ZC2HC1A: variants seen among roughly 807,000 people sequenced by gnomAD.
The protein encoded by ZC2HC1A is zinc finger C2HC domain-containing protein 1A.
A neutral mutation model predicts 40.7 loss-of-function variants in ZC2HC1A; 28 were observed. The observed-to-expected ratio is 0.69, with a 90% CI of 0.51 to 0.94. The LOEUF is 0.94. ZC2HC1A is among the 40% of genes least tolerant of loss of function. The pLI, the probability that ZC2HC1A is intolerant of heterozygous loss-of-function variation, is 0.00. For synonymous variants in ZC2HC1A, 129 were observed against 129.2 expected (o/e 1.00, Z 0.01); for missense variants, 389 against 386.3 (o/e 1.01, Z -0.06).
intron 7 of ZC2HC1A, among the ~76,000 whole-genome samples, chr8:78,698,995 T>G (rs1247403812): frequency 2.0e-5 from 3 of 152,178 alleles, no homozygotes; most frequent in Non-Finnish European, 4.4e-5. Context: ...TGGACTCTTT[T>G]CACGTTTTTA....
intron 7 of ZC2HC1A, among the ~76,000 whole-genome samples, chr8:78,700,311 ATTGT>A (rs1208696210): frequency 6.7e-6 from 1 of 150,288 alleles, no homozygotes; most frequent in Non-Finnish European, 1.5e-5. Flanking sequence ...TTTTAATGGG[ATTGT>A]TTGTTTTTTT....
At chr8:78,695,039 T>C (rs1275193448) in intron 5 of ZC2HC1A, among the ~76,000 whole-genome samples, 1 of 152,030 alleles carries the variant, frequency 6.6e-6, no homozygotes, top group Non-Finnish European at 1.5e-5. Context: ...ATAGATAGAA[T>C]ATAGCTCAGA....
At chr8:78,686,121 C>T (rs1357381139) in intron 3 of ZC2HC1A, among the ~76,000 whole-genome samples, 1 of 152,140 alleles carries the variant, frequency 6.6e-6, no homozygotes, top group African/African-American at 2.4e-5. Flanking sequence ...CAGATGTCCC[C>T]ACCTCGTACT....
chr8:78,687,984 T>A (rs1173489592), intron 4 of ZC2HC1A, among the ~76,000 whole-genome samples: 1 of 145,308 alleles, frequency 6.9e-6, no homozygotes, highest in African/African-American at 2.5e-5. Context: ...ATATATAAAT[T>A]ATATATATAT....
At chr8:78,668,460 A>G (rs2130403514) in intron 1 of ZC2HC1A, among the ~76,000 whole-genome samples, 1 of 152,326 alleles carries the variant, frequency 6.6e-6, no homozygotes, top group East Asian at 1.9e-4. Context: ...GTTACCAGAC[A>G]TTAATCTTGG....
chr8:78,682,863 C>T (rs1341036983), intron 3 of ZC2HC1A, among the ~76,000 whole-genome samples: 1 of 152,198 alleles, frequency 6.6e-6, no homozygotes, highest in Non-Finnish European at 1.5e-5. Context: ...GGGATACAGA[C>T]ATTGGGTAAA....
chr8:78,684,903 C>T (rs991838921), intron 3 of ZC2HC1A, among the ~76,000 whole-genome samples: 5 of 152,030 alleles, frequency 3.3e-5, no homozygotes, highest in Admixed American at 6.5e-5. Flanking sequence ...TAGGTAGACT[C>T]GACCTAATAA....
intron 7 of ZC2HC1A, among the ~76,000 whole-genome samples, chr8:78,708,919 G>T (rs1292666664): frequency 6.6e-6 from 1 of 151,936 alleles, no homozygotes; most frequent in Non-Finnish European, 1.5e-5. Flanking sequence ...ATCCACCTCG[G>T]TTTCCCAAAT....
intron 1 of ZC2HC1A, among the ~76,000 whole-genome samples, chr8:78,673,396 A>G (rs1281660739): frequency 1.3e-5 from 2 of 152,172 alleles, no homozygotes; most frequent in African/African-American, 4.8e-5. Context: ...GTGTCTTTAT[A>G]GTAGAATGAT....
intron 5 of ZC2HC1A, among the ~76,000 whole-genome samples, chr8:78,695,080 A>T (rs1239943608): frequency 1.3e-5 from 2 of 152,198 alleles, no homozygotes; most frequent in Admixed American, 1.3e-4. Flanking sequence ...TAGGTCAGGG[A>T]AAACAGCAAG....
At chr8:78,684,315 G>T (rs1809884055) in intron 3 of ZC2HC1A, among the ~76,000 whole-genome samples, 1 of 152,222 alleles carries the variant, frequency 6.6e-6, no homozygotes, top group Non-Finnish European at 1.5e-5. Context: ...GGTGGAAGGT[G>T]AAGAAGAATC....
At position 78,711,846 on chromosome 8, in the gene ZC2HC1A, A is replaced by C. The variant is rs1010159241; in HGVS notation, c.705-3375A>C. On this transcript the variant is annotated intron_variant, in intron 7 of 8. Transcript: ENST00000263849. ...GAACTCTCTGAGGATTCTTTTGGAC[A>C]TTAGTTCTTACCTTGACAGTCAGAT... is the stretch of plus-strand genomic sequence containing the variant. 19 of 413,268 alleles carry C rather than the reference A, an allele frequency of 4.6e-5. No homozygotes were observed. In the East Asian group the frequency reaches 1.1e-3, roughly 23 times the overall value. 25.6% of individuals were successfully genotyped at this position (413,268 alleles called of 1,614,324 possible).
chr8:78,689,189 C>A, intron 4 of ZC2HC1A, 33 bp from the exon 5 acceptor site: 1 of 1,407,890 alleles, frequency 7.1e-7, no homozygotes, highest in Non-Finnish European at 9.4e-7. Context: ...AAGTACTATG[C>A]TATTAATCTG....
At chr8:78,683,628 G>T (rs960132442) in intron 3 of ZC2HC1A, among the ~76,000 whole-genome samples, 2 of 152,090 alleles carry the variant, frequency 1.3e-5, no homozygotes, top group Non-Finnish European at 1.5e-5. Context: ...TGCCCTGAAG[G>T]TCTCTGATGT....
Position 78,666,123 on chromosome 8 carries a change from C to G in ZC2HC1A, c.-26C>G, listed in dbSNP as rs1437512920. On this transcript the variant is annotated 5_prime_UTR_variant, in exon 1 of 9. Transcript: ENST00000263849. The stretch of plus-strand genomic sequence containing the variant: ...CGGTGGCGGGCGCTGCTGAAGGAGT[C>G]TCGCTGAGCTCGAGGAGGTGGCGCG... 1 of 1,563,726 alleles carries G rather than the reference C, an allele frequency of 6.4e-7. No individual in the cohort carries two copies. Among genetic ancestry groups the G allele is most frequent in the Middle Eastern group, 1.7e-4 (1 of 5,822 alleles).
At chr8:78,695,754 A>G (rs895632837) in intron 5 of ZC2HC1A, among the ~76,000 whole-genome samples, 1 of 152,180 alleles carries the variant, frequency 6.6e-6, no homozygotes, top group African/African-American at 2.4e-5. Context: ...CCAAAGTCTC[A>G]TAGACATTTG....
chr8:78,696,033 A>T (rs1458111723), intron 5 of ZC2HC1A, among the ~76,000 whole-genome samples: 3 of 151,302 alleles, frequency 2.0e-5, no homozygotes, highest in Admixed American at 2.0e-4. Context: ...TTTAAAACCA[A>T]TTTTTCTTTC....
At chr8:78,715,098 G>T in intron 7 of ZC2HC1A, 123 bp from the exon 8 acceptor site, 5 of 766,556 alleles carry the variant, frequency 6.5e-6, no homozygotes, top group Middle Eastern at 2.4e-4. Flanking sequence ...TAATTATTGG[G>T]ACTTTAATCT....
chr8:78,704,649 C>G (rs1810715392), intron 7 of ZC2HC1A, among the ~76,000 whole-genome samples: 1 of 152,126 alleles, frequency 6.6e-6, no homozygotes, highest in South Asian at 2.1e-4. Flanking sequence ...GCCCATCTAG[C>G]TAGGTTAGGA....
Sources: allele counts gnomAD v4.1 joint callset (sites outside exome capture counted in the v4.1 genomes callset), GRCh38; gene constraint gnomAD v4.1.1; transcripts MANE v1.5; gene names NCBI Gene and HGNC (gene_info 2026-07-23, HGNC 2026-07-21).